CBFA2T3: variants seen among roughly 807,000 people sequenced by gnomAD.
The protein encoded by CBFA2T3 is CBFA2/RUNX1 partner transcriptional co-repressor 3.
A neutral mutation model predicts 58.6 loss-of-function variants in CBFA2T3; 31 were observed. That is an observed-to-expected ratio of 0.53 (90% CI 0.40 to 0.71). The LOEUF is 0.71. CBFA2T3 is among the 30% of genes least tolerant of loss of function. CBFA2T3 has a pLI of 0.00. For synonymous variants in CBFA2T3, 531 were observed against 421.9 expected, an observed-to-expected ratio of 1.26 and a Z score of -3.17; for missense variants, 1,076 against 963.1, an observed-to-expected ratio of 1.12 and a Z score of -1.55.
chr16:88,932,313 G>A (rs542427534), intron 1 of CBFA2T3, among the ~76,000 whole-genome samples: 5 of 150,834 alleles, frequency 3.3e-5, no homozygotes, highest in Non-Finnish European at 7.4e-5. Context: ...GAAAGAGGCC[G>A]CCCTGGCGCT....
chr16:88,968,759 G>C (rs768410355), intron 1 of CBFA2T3, among the ~76,000 whole-genome samples: 3 of 152,208 alleles, frequency 2.0e-5, no homozygotes, highest in Non-Finnish European at 4.4e-5. Context: ...TTTGCACCGA[G>C]CCCCTCCAGC....
At chr16:88,919,182 C>T (rs914187116) in intron 1 of CBFA2T3, among the ~76,000 whole-genome samples, 5 of 151,796 alleles carry the variant, frequency 3.3e-5, no homozygotes, top group African/African-American at 1.2e-4. Context: ...TCTCCTCTGC[C>T]TTTGCCTCTT....
At chr16:88,903,981 G>A (rs1597702399) in intron 1 of CBFA2T3, among the ~76,000 whole-genome samples, 1 of 152,238 alleles carries the variant, frequency 6.6e-6, no homozygotes, top group East Asian at 1.9e-4. Flanking sequence ...GCGCTCGTAG[G>A]ATGGACGGAC....
intron 8 of CBFA2T3, 70 bp downstream of exon 8, chr16:88,882,606 G>T: frequency 4.3e-6 from 4 of 924,010 alleles, no homozygotes; most frequent in Non-Finnish European, 5.1e-6. Context: ...CTGTGTGTGC[G>T]TGGCTGTGTG....
chr16:88,893,590 C>G (rs577966464), intron 3 of CBFA2T3, among the ~76,000 whole-genome samples: 6 of 152,186 alleles, frequency 3.9e-5, no homozygotes, highest in Non-Finnish European at 8.8e-5. Flanking sequence ...CGCAGATGCC[C>G]GTGCACACAG....
intron 1 of CBFA2T3, chr16:88,950,906 G>C: frequency 2.7e-6 from 1 of 374,802 alleles, no homozygotes; most frequent in Non-Finnish European, 5.1e-6. Context: ...CAGAGGGTCA[G>C]AGTGTTGGCA....
chr16:88,945,357 T>C (rs1205491466), intron 1 of CBFA2T3, among the ~76,000 whole-genome samples: 1 of 152,132 alleles, frequency 6.6e-6, no homozygotes, highest in Non-Finnish European at 1.5e-5. Context: ...CAAAAGACAC[T>C]ATGAAGAGAA....
intron 1 of CBFA2T3, among the ~76,000 whole-genome samples, chr16:88,969,244 G>A (rs1242146637): frequency 2.0e-5 from 3 of 152,196 alleles, no homozygotes; most frequent in Non-Finnish European, 4.4e-5. Flanking sequence ...CCTCAGGTCT[G>A]TGAAGTCGGG....
intron 9 of CBFA2T3, 65 bp from the exon 10 acceptor site, chr16:88,880,853 C>T: frequency 7.0e-7 from 1 of 1,420,052 alleles, no homozygotes; most frequent in Non-Finnish European, 9.7e-7. Flanking sequence ...CTGGGGCCCT[C>T]CCCACCCTGG....
intron 1 of CBFA2T3, among the ~76,000 whole-genome samples, chr16:88,964,898 A>G (rs930410542): frequency 1.4e-5 from 2 of 141,586 alleles, no homozygotes; most frequent in Non-Finnish European, 1.5e-5. Flanking sequence ...TCCATCCACC[A>G]TCTATCCACT....
chr16:88,884,659 G>C (rs1202963533), intron 7 of CBFA2T3: 1 of 187,962 alleles, frequency 5.3e-6, no homozygotes. Context: ...GCTGGGCCCT[G>C]CATTAACTCC....
intron 1 of CBFA2T3, among the ~76,000 whole-genome samples, chr16:88,908,756 C>A (rs186688739): frequency 6.6e-6 from 1 of 152,260 alleles, no homozygotes; most frequent in African/African-American, 2.4e-5. Context: ...CCTTCTTTGA[C>A]CCCTCACAAA....
At chr16:88,908,471 G>A (rs745423269) in intron 1 of CBFA2T3, among the ~76,000 whole-genome samples, 3 of 152,232 alleles carry the variant, frequency 2.0e-5, no homozygotes, top group Non-Finnish European at 2.9e-5. Context: ...CTAACGGGCC[G>A]GGAGAGGAAG....
At chr16:88,910,575 G>A (rs1970499474) in intron 1 of CBFA2T3, among the ~76,000 whole-genome samples, 1 of 152,242 alleles carries the variant, frequency 6.6e-6, no homozygotes, top group South Asian at 2.1e-4. Flanking sequence ...GACAGGCAGT[G>A]CCCTCCCACC....
chr16:88,957,433 G>A (rs920866336), intron 1 of CBFA2T3, among the ~76,000 whole-genome samples: 5 of 152,206 alleles, frequency 3.3e-5, no homozygotes, highest in African/African-American at 1.2e-4. Context: ...GCACAAACGG[G>A]GTCGGAGCTT....
intron 2 of CBFA2T3, among the ~76,000 whole-genome samples, chr16:88,900,615 G>C (rs2142634116): frequency 6.6e-6 from 1 of 152,264 alleles, no homozygotes; most frequent in East Asian, 1.9e-4. Flanking sequence ...CCTGGGGAGG[G>C]TCCCCCAGGT....
rs547636678 is a variant in CBFA2T3, at chr16:88,925,730, C to T, written c.152-24074G>A. Among the ~76,000 whole-genome samples the T allele has an allele frequency of 1.4e-4, 21 of 152,270 alleles. 1 individual carries two copies. In the South Asian group the frequency reaches 2.7e-3, roughly 20 times the overall value. ...CTTCACTGTCTGCCCGACTGCCCGC[C>T]GGGAGCCCCTGCGTGTGTGGAGATG... On this transcript the variant is annotated intron_variant, in intron 1 of 11. Coordinates refer to ENST00000268679, the MANE Select transcript of CBFA2T3 (RefSeq NM_005187.6).
Position 88,901,523 on chromosome 16 carries a change from G to A in CBFA2T3, c.285C>T (p.Pro95=), listed in dbSNP as rs1455845968. 2 of 1,463,292 alleles carry A rather than the reference G, an allele frequency of 1.4e-6. No homozygotes were observed. The highest frequency in any genetic ancestry group is 1.8e-6 in the Non-Finnish European group (2 of 1,105,884). The allele number at this position is 1,463,292 out of a possible 1,614,324, so 90.6% of individuals were successfully genotyped here. ...PAASQGATRP[P]SFTPHTHRED... ...ACTTACGTGTGTGTGGCGTGAAGGA[G>A]GGGGGGCGTGTGGCCCCCTGGGATG... The change falls in exon 2 of 12, where the codon CCC becomes CCT. Residue 95 remains proline (P), a synonymous_variant. Transcript: ENST00000268679.
In CBFA2T3 at chr16:88,882,610, CTG is replaced by C. The variant is rs201514188; in HGVS notation, c.1203+64_1203+65del. The C allele has an allele frequency of 2.0e-3, 1,947 of 965,808 alleles. 20 individuals carry two copies. The African/African-American group carries it at 0.028, about 14-fold the overall frequency. The allele number at this position is 965,808 out of a possible 1,614,324, so 59.8% of individuals were successfully genotyped here. On this transcript the variant is annotated intron_variant, in intron 8 of 11. Coordinates refer to ENST00000268679, the MANE Select transcript of CBFA2T3 (RefSeq NM_005187.6). ...TGTGTGCATGGCTGTGTGTGCGTGG[CTG>C]TGTGTGTGCGTGGCTGTGCGCCTGG...
Sources: allele counts gnomAD v4.1 joint callset (sites outside exome capture counted in the v4.1 genomes callset), GRCh38; gene constraint gnomAD v4.1.1; transcripts MANE v1.5; gene names NCBI Gene and HGNC (gene_info 2026-07-23, HGNC 2026-07-21).